Variants in EFNA2 observed in about 807,000 individuals in gnomAD.
EFNA2 encodes the protein ephrin A2.
In EFNA2, 18 loss-of-function variants were observed where a neutral mutation model predicts 19.7. That is an observed-to-expected ratio of 0.91 (90% CI 0.63 to 1.35). The LOEUF (loss-of-function observed/expected upper bound fraction) is 1.35, where lower values mean the gene tolerates loss of function less well. Among genes scored for constraint, EFNA2 ranks in the 40% most tolerant of loss-of-function variants. EFNA2 has a pLI of 0.00. For synonymous variants in EFNA2, 187 were observed against 137.8 expected (o/e 1.36, Z -2.50); for missense variants, 303 against 296.0 (o/e 1.02, Z -0.17).
In EFNA2 at chr19:1,286,084, T is replaced by TCGG. The variant is rs1051783963; in HGVS notation, c.-66_-64dup. 736 of 347,148 alleles carry TCGG rather than the reference T, an allele frequency of 2.1e-3. 1 individual carries two copies. The highest frequency in any genetic ancestry group is 3.8e-3 in the Admixed American group (56 of 14,796). The allele number at this position is 347,148 out of a possible 1,614,324, so 21.5% of individuals were successfully genotyped here. On this transcript the variant is annotated 5_prime_UTR_variant, in exon 1 of 4. Transcript: ENST00000215368. This position sits in a 1 kb window ranked among gnomAD's most constrained non-coding sequence, Gnocchi z 5.6. ...TCCCGCCCGCCCTCCGCCCGCCCGC[T>TCGG]CGGCGGCGGCGGCGGCGGCGGAGGA...
chr19:1,293,618 G>GGGA (rs2081501351), intron 1 of EFNA2, among the ~76,000 whole-genome samples: 1 of 150,524 alleles, frequency 6.6e-6, no homozygotes, highest in Non-Finnish European at 1.5e-5. Flanking sequence ...TGGTGCCCGG[G>GGGA]GGAGATTTCC....
At chr19:1,289,947 C>T (rs932088113) in intron 1 of EFNA2, among the ~76,000 whole-genome samples, 25 of 151,920 alleles carry the variant, frequency 1.6e-4, no homozygotes, top group Non-Finnish European at 4.4e-5. Flanking sequence ...GCATTGGGGG[C>T]GCTAGGAGAG....
Position 1,294,508 on chromosome 19 carries a change from C to T in EFNA2, c.141-1037C>T, listed in dbSNP as rs1056775221. ...GCACCCAAGAGGGAGACCAGGAGGC[C>T]GCCGGATTCCGGGGCTCGGGGCTCG... On this transcript the variant is annotated intron_variant, in intron 1 of 3. Coordinates refer to ENST00000215368, the MANE Select transcript of EFNA2 (RefSeq NM_001405.4). The surrounding 1 kb of genome is among the most constrained non-coding windows in gnomAD (Gnocchi z 5.8). Among the ~76,000 whole-genome samples the T allele has an allele frequency of 1.3e-5, 2 of 151,898 alleles. No homozygotes were observed. Among genetic ancestry groups the T allele is most frequent in the Non-Finnish European group, 1.5e-5 (1 of 67,956 alleles).
rs111808243 is a variant in EFNA2, at chr19:1,296,691, C to T, written c.454+833C>T. ...CCCACAGGGCCCCTGCCGCACCAGCCGCACCCAGACTGGGTAGGGGTCTCC... is the reference window on the plus strand; with the variant it reads ...CCCACAGGGCCCCTGCCGCACCAGCTGCACCCAGACTGGGTAGGGGTCTCC... On this transcript the variant is annotated intron_variant, in intron 2 of 3. Transcript: ENST00000215368. This position sits in a 1 kb window ranked among gnomAD's most constrained non-coding sequence, Gnocchi z 4.4. Among the ~76,000 whole-genome samples the T allele has an allele frequency of 7.9e-5, 12 of 152,296 alleles. No homozygotes were observed. Among genetic ancestry groups the T allele is most frequent in the East Asian group, 1.9e-4 (1 of 5,174 alleles).
In EFNA2 at chr19:1,295,262, C is replaced by G. The variant is rs1476515323; in HGVS notation, c.141-283C>G. 3.3e-5 allele frequency among the ~76,000 whole-genome samples: 5 copies of G among 152,116 alleles called. No individual in the cohort carries two copies. The highest frequency in any genetic ancestry group is 7.4e-5 in the Non-Finnish European group (5 of 68,002). On this transcript the variant is annotated intron_variant, in intron 1 of 3. Coordinates refer to ENST00000215368, the MANE Select transcript of EFNA2 (RefSeq NM_001405.4). The surrounding 1 kb of genome is among the most constrained non-coding windows in gnomAD (Gnocchi z 5.8). Reference sequence around the variant, plus strand: ...CCTGACTTCCCCGTGCACCTGTCCCCTGACCCGTCCCTCCCCGCTCACCCT... The same window carrying G: ...CCTGACTTCCCCGTGCACCTGTCCCGTGACCCGTCCCTCCCCGCTCACCCT...
chr19:1,295,767 G>C lies in EFNA2; in HGVS notation c.363G>C (p.Gly121=). The C allele has an allele frequency of 6.2e-7, 1 of 1,605,428 alleles. No homozygotes were observed. The highest frequency in any genetic ancestry group is 2.2e-5 in the East Asian group (1 of 44,474). Residue 121 remains glycine (G), a synonymous_variant, in exon 2 of 4, where the codon GGG becomes GGC. Coordinates refer to ENST00000215368, the MANE Select transcript of EFNA2 (RefSeq NM_001405.4). This position sits in a 1 kb window ranked among gnomAD's most constrained non-coding sequence, Gnocchi z 5.8. ...AGTGCAACCGGCCCGCGGCGCCCGGGGGGCCGCTCAAGTTCTCGGAGAAGT... is the reference window on the plus strand; with the variant it reads ...AGTGCAACCGGCCCGCGGCGCCCGGCGGGCCGCTCAAGTTCTCGGAGAAGT... ...RWECNRPAAP[G]GPLKFSEKFQ...
Position 1,286,648 on chromosome 19 carries a change from G to A in EFNA2, c.140+340G>A, listed in dbSNP as rs1385776978. On this transcript the variant is annotated intron_variant, in intron 1 of 3. Coordinates refer to ENST00000215368, the MANE Select transcript of EFNA2 (RefSeq NM_001405.4). The surrounding 1 kb of genome is among the most constrained non-coding windows in gnomAD (Gnocchi z 5.6). ...GCCCCTGAGTTGCCTGCCTGGACTT[G>A]GGGGGACCCCTGATCCACCCGCTTC... Among the ~76,000 whole-genome samples, 1 of 152,116 alleles carries A rather than the reference G, an allele frequency of 6.6e-6. No individual in the cohort carries two copies. Among genetic ancestry groups the A allele is most frequent in the Non-Finnish European group, 1.5e-5 (1 of 67,994 alleles).
Position 1,297,530 on chromosome 19 carries a change from G to C in EFNA2, c.455-1021G>C, listed in dbSNP as rs2081521254. Among the ~76,000 whole-genome samples the C allele has an allele frequency of 6.6e-6, 1 of 152,070 alleles. No homozygotes were observed. Among genetic ancestry groups the C allele is most frequent in the Admixed American group, 6.5e-5 (1 of 15,278 alleles). On this transcript the variant is annotated intron_variant, in intron 2 of 3. Transcript: ENST00000215368. This position sits in a 1 kb window ranked among gnomAD's most constrained non-coding sequence, Gnocchi z 5.0. ...GGGCGGGCAGAGGTGGTGGCCATGA[G>C]AGCCAGGCCATCAGGGGCCCAGGGC...
rs796274857 is a variant in EFNA2 at position 1,297,172 on chromosome 19, G to C, written c.454+1314G>C. Among the ~76,000 whole-genome samples the C allele has an allele frequency of 6.6e-6, 1 of 152,154 alleles. No homozygotes were observed. The highest frequency in any genetic ancestry group is 1.5e-5 in the Non-Finnish European group (1 of 68,006). The stretch of plus-strand genomic sequence containing the variant: ...CATCTCGGGGCCTGAGGGATGGGGA[G>C]TCAGGGATCTGGGGTCTGTGCCCCC... On this transcript the variant is annotated intron_variant, in intron 2 of 3. Coordinates refer to ENST00000215368, the MANE Select transcript of EFNA2 (RefSeq NM_001405.4). This position sits in a 1 kb window ranked among gnomAD's most constrained non-coding sequence, Gnocchi z 5.0.
chr19:1,296,874 G>A lies in EFNA2; in HGVS notation c.454+1016G>A, dbSNP rs918728935. Among the ~76,000 whole-genome samples the A allele has an allele frequency of 2.6e-5, 4 of 152,246 alleles. No homozygotes were observed. The highest frequency in any genetic ancestry group is 9.6e-5 in the African/African-American group (4 of 41,468). On this transcript the variant is annotated intron_variant, in intron 2 of 3. Coordinates refer to ENST00000215368, the MANE Select transcript of EFNA2 (RefSeq NM_001405.4). The surrounding 1 kb of genome is among the most constrained non-coding windows in gnomAD (Gnocchi z 4.4). ...GACCCCATGGTGGGCCAGGCTGGGT[G>A]GGCCAGGCTGAGGGAGGCTGCCAGT...
chr19:1,290,957 C>A (rs985814409), intron 1 of EFNA2, among the ~76,000 whole-genome samples: 1 of 152,206 alleles, frequency 6.6e-6, no homozygotes, highest in Non-Finnish European at 1.5e-5. Context: ...GGGGTCTGGC[C>A]GAGAGACTCA....
rs1477891194 is a variant in EFNA2, at chr19:1,286,490, C to A, written c.140+182C>A. 1.3e-5 allele frequency among the ~76,000 whole-genome samples: 2 copies of A among 151,392 alleles called. No homozygotes were observed. Among genetic ancestry groups the A allele is most frequent in the African/African-American group, 4.8e-5 (2 of 41,364 alleles). On this transcript the variant is annotated intron_variant, in intron 1 of 3. Coordinates refer to ENST00000215368, the MANE Select transcript of EFNA2 (RefSeq NM_001405.4). This position sits in a 1 kb window ranked among gnomAD's most constrained non-coding sequence, Gnocchi z 5.6. Reference sequence around the variant, plus strand: ...GGCCCCCCGGAGTTTGGGGGACTCGCCCTTTTCGCGCCTGCCTTCCCCGGG... The same window carrying A: ...GGCCCCCCGGAGTTTGGGGGACTCGACCTTTTCGCGCCTGCCTTCCCCGGG...
rs1451938000 is a variant in EFNA2, at chr19:1,299,836, A to C, written c.533A>C (p.Tyr178Ser). 1 of 1,602,230 alleles carries C rather than the reference A, an allele frequency of 6.2e-7. No homozygotes were observed. Among genetic ancestry groups the C allele is most frequent in the Non-Finnish European group, 8.5e-7 (1 of 1,177,116 alleles). The change falls in exon 4 of 4, where the codon TAC (tyrosine) becomes TCC (serine). Residue 178 changes from tyrosine (Y) to serine (S), a missense_variant. Coordinates refer to ENST00000215368, the MANE Select transcript of EFNA2 (RefSeq NM_001405.4). ...VYVRPTNETL[Y>S]EAPEPIFTSN... ...CTGCCACCCGCAGACGAGACCCTGT[A>C]CGAGGCTCCTGAGCCCATCTTCACC...
intron 1 of EFNA2, among the ~76,000 whole-genome samples, chr19:1,291,903 G>C (rs78683401): frequency 0.028 from 4,332 of 152,286 alleles, 204 homozygotes; most frequent in African/African-American, 0.096. Flanking sequence ...CTGCCTGGAG[G>C]CGTGGACTTT....
rs2081536021 is a variant in EFNA2 at position 1,300,265 on chromosome 19, T to A, written c.*320T>A. On this transcript the variant is annotated 3_prime_UTR_variant, in exon 4 of 4. Coordinates refer to ENST00000215368, the MANE Select transcript of EFNA2 (RefSeq NM_001405.4). ...GATTTTTTTTTTTTTTTTTTTTTTT[T>A]TTTTTTTTTTTAGTGTATTTTTCGT... is the stretch of plus-strand genomic sequence containing the variant. The A allele has an allele frequency of 1.1e-5, 2 of 183,198 alleles. No individual in the cohort carries two copies. Among genetic ancestry groups the A allele is most frequent in the Admixed American group, 6.5e-5 (1 of 15,312 alleles). The allele number at this position is 183,198 out of a possible 1,614,324, so 11.3% of individuals were successfully genotyped here.
chr19:1,295,964 G>C lies in EFNA2; in HGVS notation c.454+106G>C, dbSNP rs1439493140. 1.4e-5 allele frequency: 16 copies of C among 1,154,716 alleles called. No homozygotes were observed. In the African/African-American group the frequency reaches 2.2e-4, roughly 16 times the overall value. The allele number at this position is 1,154,716 out of a possible 1,614,324, so 71.5% of individuals were successfully genotyped here. ...TGGGGTGGGGCCGGGGAGTGGGCGG[G>C]GCAGCGCAGTGGGCGGGGCCGCGGT... On this transcript the variant is annotated intron_variant, in intron 2 of 3. Coordinates refer to ENST00000215368, the MANE Select transcript of EFNA2 (RefSeq NM_001405.4). The surrounding 1 kb of genome is among the most constrained non-coding windows in gnomAD (Gnocchi z 5.8).
In EFNA2 at chr19:1,299,981, G is replaced by A; in HGVS notation, c.*36G>A. Reference sequence around the variant, plus strand: ...GCAGGACGCCGACCCTGCCTGGACGGCCCCGCCTGGACCGCCTGACCTCGG... The same window carrying A: ...GCAGGACGCCGACCCTGCCTGGACGACCCCGCCTGGACCGCCTGACCTCGG... On this transcript the variant is annotated 3_prime_UTR_variant, in exon 4 of 4. Transcript: ENST00000215368. The A allele has an allele frequency of 1.3e-6, 2 of 1,556,382 alleles. No homozygotes were observed. The highest frequency in any genetic ancestry group is 1.7e-6 in the Non-Finnish European group (2 of 1,155,924).
At chr19:1,289,131 G>C (rs113604818) in intron 1 of EFNA2, among the ~76,000 whole-genome samples, 2,543 of 152,346 alleles carry the variant, frequency 0.017, 83 homozygotes, top group African/African-American at 0.057. Flanking sequence ...TGTGTGGCAG[G>C]AGGCTGCGTG....
At chr19:1,292,372 T>C (rs1163705291) in intron 1 of EFNA2, among the ~76,000 whole-genome samples, 1 of 152,236 alleles carries the variant, frequency 6.6e-6, no homozygotes, top group Non-Finnish European at 1.5e-5. Context: ...TCCCCACAAC[T>C]CTGGCATTGC....
Sources: gnomAD v4.1 joint callset for allele counts (sites outside exome capture counted in the v4.1 genomes callset) on GRCh38, gnomAD v4.1.1 for gene constraint, Gnocchi (gnomAD v3.1) non-coding constraint, MANE v1.5 for transcripts, NCBI Gene and HGNC (gene_info 2026-07-23, HGNC 2026-07-21) for gene names.